The following SRD5A2 variants were observed in gnomAD, a reference collection of about 807,000 sequenced individuals.
SRD5A2 encodes 3-oxo-5-alpha-steroid 4-dehydrogenase 2.
SRD5A2 carries 30 observed loss-of-function variants against 27.4 expected under a neutral mutation model. The observed-to-expected ratio is 1.10, with a 90% CI of 0.82 to 1.49. The LOEUF is 1.49. Ranked by LOEUF, SRD5A2 falls within the 40% of genes most tolerant of loss-of-function variation. SRD5A2 has a pLI of 0.00. For synonymous variants in SRD5A2, 141 were observed against 133.6 expected, an observed-to-expected ratio of 1.06 and a Z score of -0.38; for missense variants, 348 against 323.4, an observed-to-expected ratio of 1.08 and a Z score of -0.58.
intron 1 of SRD5A2, chr2:31,563,248 G>T (rs1666662867): frequency 6.6e-6 from 1 of 151,946 alleles, no homozygotes; most frequent in Non-Finnish European, 1.5e-5. Flanking sequence ...TACAAGTAGA[G>T]GTCACTAAAA....
chr2:31,537,735 T>C (rs1290851684), intron 1 of SRD5A2, among the ~76,000 whole-genome samples: 2 of 152,200 alleles, frequency 1.3e-5, no homozygotes, highest in African/African-American at 2.4e-5. Context: ...CCAAAATTTG[T>C]GTGCTGGAAA....
chr2:31,523,238 C>T lies in SRD5A2; in HGVS notation c.*2958G>A, dbSNP rs1665697775. On this transcript the variant is annotated 3_prime_UTR_variant, in exon 5 of 5. Transcript: ENST00000622030. ...AATAGGTTTATGAAAGGGCATGAGC[C>T]TGGTGCTCCCACGGAGCGAGGGAAG... The T allele has an allele frequency of 4.6e-6, 1 of 216,186 alleles. No homozygotes were observed. Among genetic ancestry groups the T allele is most frequent in the African/African-American group, 2.3e-5 (1 of 44,346 alleles). 13.4% of individuals were successfully genotyped at this position (216,186 alleles called of 1,614,324 possible).
rs28383048 is a variant in SRD5A2 at position 31,533,711 on chromosome 2, G to C, written c.337C>G (p.Leu113Val). Residue 113 changes from leucine to valine, a missense_variant, in exon 2 of 5, where the codon CTC becomes GTC. Coordinates refer to ENST00000622030, the MANE Select transcript of SRD5A2 (RefSeq NM_000348.4). ...RGRPYPAILILRGTAFCTGNG... is the reference protein window; with the variant it reads ...RGRPYPAILIVRGTAFCTGNG... The stretch of plus-strand genomic sequence containing the variant: ...CCAGTGCAGAAGGCAGTGCCTCTGA[G>C]AATGAGTATAGCTGGATAAGGCCTC... 3.4e-4 allele frequency: 545 copies of C among 1,597,022 alleles called. 3 individuals are homozygous for C. In the African/African-American group the frequency reaches 6.3e-3, roughly 18 times the overall value.
the SRD5A2 span, among the ~76,000 whole-genome samples, chr2:31,627,075 G>A: frequency 3.3e-5 from 5 of 152,046 alleles, no homozygotes; most frequent in African/African-American, 9.7e-5. Context: ...CTTCTTCCTG[G>A]TTTAGTCTTG....
the SRD5A2 span, among the ~76,000 whole-genome samples, chr2:31,617,795 C>T: frequency 6.6e-6 from 1 of 152,218 alleles, no homozygotes; most frequent in Non-Finnish European, 1.5e-5. Context: ...ATATCACTAT[C>T]AGCATTTTTG....
intron 1 of SRD5A2, among the ~76,000 whole-genome samples, 170 bp from the exon 2 acceptor site, chr2:31,533,936 A>T (rs1665971215): frequency 6.6e-6 from 1 of 152,244 alleles, no homozygotes; most frequent in South Asian, 2.1e-4. Context: ...ACAGGCCAAA[A>T]TAATTACATA....
At chr2:31,538,503 G>A (rs560164426) in intron 1 of SRD5A2, among the ~76,000 whole-genome samples, 2 of 152,136 alleles carry the variant, frequency 1.3e-5, no homozygotes, top group South Asian at 4.2e-4. Flanking sequence ...TTACTCCACC[G>A]CAATCTATTC....
At chr2:31,653,815 A>G in the SRD5A2 span, among the ~76,000 whole-genome samples, 1 of 152,132 alleles carries the variant, frequency 6.6e-6, no homozygotes, top group African/African-American at 2.4e-5. Flanking sequence ...GCCCGCCACC[A>G]TGCCCAGCTA....
the SRD5A2 span, among the ~76,000 whole-genome samples, chr2:31,600,174 T>C: frequency 3.3e-5 from 5 of 152,206 alleles, no homozygotes; most frequent in African/African-American, 1.2e-4. Flanking sequence ...TGTTCCTTTT[T>C]ATGGCTACAC....
At chr2:31,594,121 T>TA in the SRD5A2 span, among the ~76,000 whole-genome samples, 2 of 152,208 alleles carry the variant, frequency 1.3e-5, no homozygotes, top group African/African-American at 4.8e-5. Context: ...ACAGGGCCTA[T>TA]AAAATCATGA....
chr2:31,571,366 A>C (rs1666846221), intron 1 of SRD5A2, among the ~76,000 whole-genome samples: 1 of 152,206 alleles, frequency 6.6e-6, no homozygotes, highest in African/African-American at 2.4e-5. Flanking sequence ...TACAAAAATC[A>C]ACTCAAGATG....
At chr2:31,640,315 GACAAATC>G in the SRD5A2 span, among the ~76,000 whole-genome samples, 13 of 152,228 alleles carry the variant, frequency 8.5e-5, no homozygotes, top group South Asian at 2.5e-3. Context: ...TCAGAGAGCT[GACAAATC>G]ACCTTCTTGT....
chr2:31,560,500 C>T (rs900928000), intron 1 of SRD5A2, among the ~76,000 whole-genome samples: 94 of 152,322 alleles, frequency 6.2e-4, no homozygotes, highest in African/African-American at 2.2e-3. Context: ...TATTTGAGAA[C>T]CGGCACCTGA....
the SRD5A2 span, among the ~76,000 whole-genome samples, chr2:31,592,821 C>T: frequency 6.6e-6 from 1 of 152,184 alleles, no homozygotes; most frequent in East Asian, 1.9e-4. Context: ...CAGCAATAGA[C>T]CCAAACCAAG....
At chr2:31,614,494 G>T in the SRD5A2 span, among the ~76,000 whole-genome samples, 1 of 152,214 alleles carries the variant, frequency 6.6e-6, no homozygotes, top group South Asian at 2.1e-4. Context: ...GGCATTGAGT[G>T]TCTGTGGTTT....
At chr2:31,635,249 A>T in the SRD5A2 span, among the ~76,000 whole-genome samples, 28 of 152,208 alleles carry the variant, frequency 1.8e-4, no homozygotes, top group Non-Finnish European at 3.7e-4. Context: ...AACTGGGATG[A>T]CTTAACGTCA....
chr2:31,640,578 T>A, the SRD5A2 span, among the ~76,000 whole-genome samples: 1 of 152,130 alleles, frequency 6.6e-6, no homozygotes, highest in East Asian at 1.9e-4. Context: ...CACGGCTCTA[T>A]TAAATAGTTG....
the SRD5A2 span, among the ~76,000 whole-genome samples, chr2:31,603,274 A>G: frequency 2.0e-5 from 3 of 152,060 alleles, no homozygotes; most frequent in Non-Finnish European, 4.4e-5. Flanking sequence ...GAAGACATAC[A>G]TGCTGTCAAC....
intron 1 of SRD5A2, among the ~76,000 whole-genome samples, chr2:31,557,598 G>A (rs1007709327): frequency 6.6e-6 from 1 of 152,106 alleles, no homozygotes; most frequent in Non-Finnish European, 1.5e-5. Context: ...GAGTAGGAAT[G>A]GAGAATGATA....
Sources: allele counts gnomAD v4.1 joint callset (sites outside exome capture counted in the v4.1 genomes callset), GRCh38; gene constraint gnomAD v4.1.1; transcripts MANE v1.5; gene names NCBI Gene and HGNC (gene_info 2026-07-23, HGNC 2026-07-21).